Variants in THOC5 observed in about 807,000 individuals in gnomAD.
The protein encoded by THOC5 is Fms-interacting protein.
Under a neutral mutation model 92.9 loss-of-function variants are expected in THOC5, and 43 were observed. The ratio of observed to expected loss-of-function variants is 0.46; its 90% CI spans 0.36 to 0.60. The LOEUF is 0.60. Among genes scored for constraint, THOC5 ranks in the 20% least tolerant of loss-of-function variants. The pLI is 0.00. For missense variants in THOC5, 659 were observed against 849.4 expected (o/e 0.78, Z 2.79); for synonymous variants, 296 against 320.1 (o/e 0.92, Z 0.80).
chr22:29,551,215 C>T (rs1265253247), intron 1 of THOC5, among the ~76,000 whole-genome samples: 3 of 151,996 alleles, frequency 2.0e-5, no homozygotes, highest in African/African-American at 4.8e-5. Flanking sequence ...GGGTGGATCA[C>T]CTGAGGTCAG....
Position 29,542,854 on chromosome 22 carries a change from C to G in THOC5, c.452+5G>C. 1 of 1,608,524 alleles carries G rather than the reference C, an allele frequency of 6.2e-7. No individual in the cohort carries two copies. Among genetic ancestry groups the G allele is most frequent in the East Asian group, 2.2e-5 (1 of 44,798 alleles). On this transcript the variant is annotated splice_donor_5th_base_variant and intron_variant, in intron 5 of 19. Transcript: ENST00000490103. ...TGTGCCAAAGCCCTGTCCTCCCAAA[C>G]TCACTTAAACTCCAAACATTTGGTG... is the stretch of plus-strand genomic sequence containing the variant.
At chr22:29,526,334 C>G (rs1416551799) in intron 11 of THOC5, among the ~76,000 whole-genome samples, 2 of 152,016 alleles carry the variant, frequency 1.3e-5, no homozygotes, top group Non-Finnish European at 2.9e-5. Flanking sequence ...AGATCGAGAC[C>G]ATCCTGGCTA....
intron 7 of THOC5, 118 bp downstream of exon 7, chr22:29,536,506 C>T (rs2063762837): frequency 3.1e-6 from 2 of 641,272 alleles, no homozygotes; most frequent in South Asian, 3.8e-5. Flanking sequence ...CAGACAAGGC[C>T]ATCCTTATAC....
At chr22:29,513,727 G>A (rs1209511741) in intron 17 of THOC5, among the ~76,000 whole-genome samples, 2 of 152,136 alleles carry the variant, frequency 1.3e-5, no homozygotes, top group East Asian at 3.9e-4. Context: ...GCCAGGCGTC[G>A]TGGCTCACGC....
intron 2 of THOC5, among the ~76,000 whole-genome samples, chr22:29,546,685 C>A (rs1052083398): frequency 6.6e-6 from 1 of 152,030 alleles, no homozygotes; most frequent in Non-Finnish European, 1.5e-5. Context: ...AGTGATCCAC[C>A]CAGCTCGGCC....
chr22:29,509,288 A>G (rs55652051), intron 19 of THOC5, among the ~76,000 whole-genome samples: 26,425 of 149,680 alleles, frequency 0.18, 2,549 homozygotes, highest in Middle Eastern at 0.23. Flanking sequence ...AAAAAAAAAA[A>G]AAAAGAAAAA....
At chr22:29,549,552 CT>C in intron 1 of THOC5, among the ~76,000 whole-genome samples, 2 of 152,316 alleles carry the variant, frequency 1.3e-5, no homozygotes, top group South Asian at 4.1e-4. Context: ...CAGGACTACT[CT>C]AACAGTCTTG....
At chr22:29,513,669 A>C (rs751756526) in intron 17 of THOC5, among the ~76,000 whole-genome samples, 1 of 151,970 alleles carries the variant, frequency 6.6e-6, no homozygotes, top group African/African-American at 2.4e-5. Context: ...AGCCTACGCA[A>C]CAAAGCAAGA....
intron 8 of THOC5, chr22:29,530,955 T>C: frequency 1.3e-6 from 1 of 782,578 alleles, no homozygotes; most frequent in Non-Finnish European, 1.6e-6. Context: ...AGCAACTAGT[T>C]GCTCCCATCA....
At chr22:29,521,595 C>T (rs2063442373) in intron 12 of THOC5, among the ~76,000 whole-genome samples, 1 of 152,152 alleles carries the variant, frequency 6.6e-6, no homozygotes. Context: ...GTCTATCTCA[C>T]TTTGACCAAA....
chr22:29,520,901 G>T, intron 13 of THOC5, 97 bp downstream of exon 13: 2 of 863,046 alleles, frequency 2.3e-6, no homozygotes, highest in South Asian at 1.4e-5. Flanking sequence ...CTATCCTCTG[G>T]GTCACCTCTG....
At chr22:29,551,650 C>G (rs2064146471) in intron 1 of THOC5, among the ~76,000 whole-genome samples, 1 of 152,002 alleles carries the variant, frequency 6.6e-6, no homozygotes, top group African/African-American at 2.4e-5. Context: ...ACTCTGGAGG[C>G]TAGGGTGGGA....
intron 3 of THOC5, 115 bp from the exon 4 acceptor site, chr22:29,543,657 C>A: frequency 3.2e-6 from 2 of 619,268 alleles, no homozygotes; most frequent in South Asian, 2.2e-5. Flanking sequence ...GGAGGGAGCT[C>A]AGAACCATGA....
chr22:29,510,021 G>A (rs1008603256), intron 19 of THOC5, among the ~76,000 whole-genome samples: 1 of 152,204 alleles, frequency 6.6e-6, no homozygotes, highest in African/African-American at 2.4e-5. Flanking sequence ...ACTGCTCCCC[G>A]CCAACCTCAT....
chr22:29,548,736 C>CA (rs2064079732), intron 2 of THOC5, among the ~76,000 whole-genome samples: 1 of 152,136 alleles, frequency 6.6e-6, no homozygotes, highest in South Asian at 2.1e-4. Context: ...CCTGAAGCTC[C>CA]AGTGCCATGC....
chr22:29,528,331 A>G, intron 10 of THOC5, 95 bp downstream of exon 10: 1 of 1,613,672 alleles, frequency 6.2e-7, no homozygotes, highest in Non-Finnish European at 8.5e-7. Flanking sequence ...CTTCTTTCAC[A>G]CCTCTTCTGC....
chr22:29,517,068 T>C lies in THOC5; in HGVS notation c.1642A>G (p.Thr548Ala), dbSNP rs768173834. 1.9e-6 allele frequency: 3 copies of C among 1,614,146 alleles called. No individual in the cohort carries two copies. The South Asian group carries it at 3.3e-5, about 18-fold the overall frequency. The change falls in exon 17 of 20, where the codon ACC becomes GCC. Residue 548 changes from threonine to alanine, a missense_variant. Coordinates refer to ENST00000490103, the MANE Select transcript of THOC5 (RefSeq NM_003678.5). ...DIVDAGLAGD[T>A]NLYYMALIER... is the part of the protein sequence containing the mutation. Reference sequence around the variant, plus strand: ...ATGAGCGCCATGTAGTAGAGATTGGTGTCCCCAGCCAGTCCCGCATCCACA... The same window carrying C: ...ATGAGCGCCATGTAGTAGAGATTGGCGTCCCCAGCCAGTCCCGCATCCACA...
At chr22:29,514,207 A>C (rs1325412990) in intron 17 of THOC5, among the ~76,000 whole-genome samples, 2 of 151,792 alleles carry the variant, frequency 1.3e-5, no homozygotes, top group African/African-American at 4.8e-5. Flanking sequence ...CCTCCACCTA[A>C]AAGTGCTGGG....
chr22:29,532,626 T>C (rs773559052), intron 7 of THOC5, among the ~76,000 whole-genome samples: 20 of 150,866 alleles, frequency 1.3e-4, no homozygotes, highest in Non-Finnish European at 2.4e-4. Context: ...GATCATGCCA[T>C]TGCACTCCAG....
Sources: allele counts gnomAD v4.1 joint callset (sites outside exome capture counted in the v4.1 genomes callset), GRCh38; gene constraint gnomAD v4.1.1; transcripts MANE v1.5; gene names NCBI Gene and HGNC (gene_info 2026-07-23, HGNC 2026-07-21).